Variants in NLRP6 observed in about 807,000 individuals in gnomAD.
NLRP6 encodes NLR family pyrin domain containing 6, also known as NACHT, LRR and PYD domains-containing protein 6.
In NLRP6, 55 loss-of-function variants were observed where a neutral mutation model predicts 70.9. The observed-to-expected ratio is 0.78, with a 90% CI of 0.62 to 0.97. The LOEUF (loss-of-function observed/expected upper bound fraction) is 0.97. Ranked by LOEUF, NLRP6 falls within the 50% of genes least tolerant of loss-of-function variation. The pLI, the probability that NLRP6 is intolerant of heterozygous loss-of-function variation, is 0.00. For missense variants in NLRP6, 1,241 were observed against 1,238.3 expected, an observed-to-expected ratio of 1.00 and a Z score of -0.03; for synonymous variants, 652 against 581.9, an observed-to-expected ratio of 1.12 and a Z score of -1.73.
At chr11:284,157 G>C in intron 5 of NLRP6, 73 bp from the exon 6 acceptor site, 1 of 1,384,800 alleles carries the variant, frequency 7.2e-7, no homozygotes, top group Non-Finnish European at 1.0e-6. Context: ...CGGGCAGCGG[G>C]CATTTTGTGC....
chr11:284,339 G>A lies in NLRP6; in HGVS notation c.2308G>A (p.Ala770Thr), dbSNP rs1845524548. ...CCTCCTCCACAACAGGCTCAGTGAG[G>A]CGGGACTGCGTATGCTGAGTGAGGG... ...LGLLHNRLSE[A>T]GLRMLSEGLA... is the part of the protein sequence containing the mutation. The change falls in exon 6 of 8, where the codon GCG becomes ACG. Residue 770 changes from alanine (A) to threonine (T), a missense_variant. Transcript: ENST00000534750. 1.2e-6 allele frequency: 2 copies of A among 1,611,260 alleles called. No individual in the cohort carries two copies. The highest frequency in any genetic ancestry group is 1.3e-5 in the African/African-American group (1 of 75,042).
At position 281,075 on chromosome 11, in the gene NLRP6, C is replaced by G. The variant is rs148559712; in HGVS notation, c.1341C>G (p.Arg447=). Residue 447 remains arginine (R), a synonymous_variant, in exon 4 of 8, where the codon CGC becomes CGG. Transcript: ENST00000534750. The part of the protein sequence containing the change: ...RLQGDLRNLC[R]LAREGVLGRR... ...AGGGCGACCTGCGCAATCTGTGCCG[C>G]CTGGCCCGCGAGGGCGTCCTCGGAC... The G allele has an allele frequency of 6.2e-7, 1 of 1,612,756 alleles. No individual in the cohort carries two copies. Among genetic ancestry groups the G allele is most frequent in the Non-Finnish European group, 8.5e-7 (1 of 1,179,796 alleles).
In NLRP6 at chr11:285,096, G is replaced by C. The variant is rs146114422; in HGVS notation, c.2538-70G>C. The stretch of plus-strand genomic sequence containing the variant: ...CTGCCCGCGGCCCGGCTGCCCCCAC[G>C]GCACTGCCCCCAAGCCCTGGCTGCT... On this transcript the variant is annotated intron_variant, in intron 7 of 7. Coordinates refer to ENST00000534750, the MANE Select transcript of NLRP6 (RefSeq NM_001276700.2). 8 of 1,459,684 alleles carry C rather than the reference G, an allele frequency of 5.5e-6. 1 individual carries two copies. Among genetic ancestry groups the C allele is most frequent in the South Asian group, 4.9e-5 (4 of 81,714 alleles). 90.4% of individuals were successfully genotyped at this position (1,459,684 alleles called of 1,614,324 possible).
Position 278,490 on chromosome 11 carries a change from CCAGCT to C in NLRP6, c.-75_-71del. 2 of 1,257,442 alleles carry C rather than the reference CCAGCT, an allele frequency of 1.6e-6. No homozygotes were observed. The highest frequency in any genetic ancestry group is 2.2e-6 in the Non-Finnish European group (2 of 926,362). The allele number at this position is 1,257,442 out of a possible 1,614,324, so 77.9% of individuals were successfully genotyped here. On this transcript the variant is annotated 5_prime_UTR_variant, in exon 1 of 8. An upstream open reading frame in the 5' UTR gains an earlier in-frame stop. Transcript: ENST00000534750. This position sits in a 1 kb window ranked among gnomAD's most constrained non-coding sequence, Gnocchi z 4.7. Reference sequence around the variant, plus strand: ...GCTGGACAACCTCTAAGACTTGGCTCCAGCTCAGCCTGTGAAGGAATCACCTCTCT... The same window carrying C: ...GCTGGACAACCTCTAAGACTTGGCTCCAGCCTGTGAAGGAATCACCTCTCT...
chr11:279,841 G>A lies in NLRP6; in HGVS notation c.318G>A (p.Gly106=), dbSNP rs1188377463. 5 of 1,572,926 alleles carry A rather than the reference G, an allele frequency of 3.2e-6. No individual in the cohort carries two copies. Among genetic ancestry groups the A allele is most frequent in the Middle Eastern group, 1.7e-4 (1 of 5,794 alleles). ...CCCCAGTTTCCCTTCCAGGGCTCGGGCTCGGCTCCGGGACGCTGCTCTCCG... is the reference window on the plus strand; with the variant it reads ...CCCCAGTTTCCCTTCCAGGGCTCGGACTCGGCTCCGGGACGCTGCTCTCCG... ...QLQERRLQRL[G]LGSGTLLSVS... Residue 106 remains glycine (G), a synonymous_variant, in exon 3 of 8, where the codon GGG becomes GGA. Coordinates refer to ENST00000534750, the MANE Select transcript of NLRP6 (RefSeq NM_001276700.2).
intron 5 of NLRP6, among the ~76,000 whole-genome samples, chr11:283,646 A>G (rs117091523): frequency 0.011 from 1,667 of 152,250 alleles, 37 homozygotes; most frequent in African/African-American, 0.037. Flanking sequence ...ATAACTTGCC[A>G]GTCACTCTTA....
Position 280,255 on chromosome 11 carries a change from C to G in NLRP6, c.521C>G (p.Ala174Gly). 6.6e-7 allele frequency: 1 copy of G among 1,524,578 alleles called. No homozygotes were observed. The highest frequency in any genetic ancestry group is 8.8e-7 in the Non-Finnish European group (1 of 1,137,486). 94.4% of individuals were successfully genotyped at this position (1,524,578 alleles called of 1,614,324 possible). The change falls in exon 4 of 8, where the codon GCG becomes GGG. Residue 174 changes from alanine (A) to glycine (G), a missense_variant. Transcript: ENST00000534750. ...GPAEEPEPGR[A>G]RRSDTHTFNR... Reference sequence around the variant, plus strand: ...GCGGAAGAGCCTGAGCCGGGGCGCGCGCGGCGCTCGGACACGCACACTTTC... The same window carrying G: ...GCGGAAGAGCCTGAGCCGGGGCGCGGGCGGCGCTCGGACACGCACACTTTC...
In NLRP6 at chr11:282,628, T is replaced by C. The variant is rs2134009537; in HGVS notation, c.2106-77T>C. ...AGGGGCAGCTCTGAGACCCCAGGAC[T>C]ACAGATAGACAGGAGTCCTTTCCGG... On this transcript the variant is annotated intron_variant, in intron 4 of 7. Transcript: ENST00000534750. The C allele has an allele frequency of 2.6e-6, 3 of 1,142,322 alleles. No individual in the cohort carries two copies. The South Asian group carries it at 3.7e-5, about 14-fold the overall frequency. The allele number at this position is 1,142,322 out of a possible 1,614,324, so 70.8% of individuals were successfully genotyped here. A position where few individuals can be genotyped will look rare whatever the true frequency, so the allele number is the denominator to read the frequency against.
At chr11:284,112 G>A (rs916948776) in intron 5 of NLRP6, 118 bp from the exon 6 acceptor site, 11 of 866,142 alleles carry the variant, frequency 1.3e-5, no homozygotes, top group Middle Eastern at 2.3e-4. Context: ...GAAGGATGTG[G>A]CACCAACACA....
At chr11:282,522 C>T (rs1373456809) in intron 4 of NLRP6, among the ~76,000 whole-genome samples, 183 bp from the exon 5 acceptor site, 1 of 152,160 alleles carries the variant, frequency 6.6e-6, no homozygotes, top group Non-Finnish European at 1.5e-5. Context: ...TGGGATGATG[C>T]CTGGGCCACA....
chr11:280,525 T>G lies in NLRP6; in HGVS notation c.791T>G (p.Val264Gly), dbSNP rs1845455923. 6.4e-7 allele frequency: 1 copy of G among 1,563,944 alleles called. No individual in the cohort carries two copies. Among genetic ancestry groups the G allele is most frequent in the African/African-American group, 1.4e-5 (1 of 71,150 alleles). Residue 264 changes from valine to glycine, a missense_variant, in exon 4 of 8, where the codon GTG becomes GGG. By Grantham distance (109) the Val-to-Gly change is moderately radical. Coordinates refer to ENST00000534750, the MANE Select transcript of NLRP6 (RefSeq NM_001276700.2). ...CAGTGCCCCGACCGCGGCGCGCCGG[T>G]GCCGCAGATGCTGGCCCAGCCGCAG... ...LDQCPDRGAP[V>G]PQMLAQPQRL...
chr11:280,583 G>C lies in NLRP6; in HGVS notation c.849G>C (p.Glu283Asp). The change falls in exon 4 of 8, where the codon GAG becomes GAC. Residue 283 changes from glutamate to aspartate, a missense_variant. Transcript: ENST00000534750. ...RLLFILDGADELPALGGPEAA... is the reference protein window; with the variant it reads ...RLLFILDGADDLPALGGPEAA... ...TCTTCATCCTGGACGGCGCGGACGA[G>C]CTGCCGGCGCTGGGGGGCCCCGAGG... 2 of 1,454,606 alleles carry C rather than the reference G, an allele frequency of 1.4e-6. No homozygotes were observed. The highest frequency in any genetic ancestry group is 1.4e-5 in the South Asian group (1 of 70,550). The allele number at this position is 1,454,606 out of a possible 1,614,324, so 90.1% of individuals were successfully genotyped here.
rs779813909 is a variant in NLRP6 at position 281,415 on chromosome 11, C to T, written c.1681C>T (p.Arg561Cys). 1 of 1,608,136 alleles carries T rather than the reference C, an allele frequency of 6.2e-7. No homozygotes were observed. The highest frequency in any genetic ancestry group is 1.1e-5 in the South Asian group (1 of 90,498). Residue 561 changes from arginine to cysteine, a missense_variant, in exon 4 of 8, where the codon CGC (arginine) becomes TGC (cysteine). By Grantham distance (180) the Arg-to-Cys change is radical. Transcript: ENST00000534750. ...CGCGGAGCGGATGCGCGACATCGAG[C>T]GCCACTTCGGCTGCATGGTTTCAGA... ...LSAERMRDIERHFGCMVSERV... is the reference protein window; with the variant it reads ...LSAERMRDIECHFGCMVSERV...
In NLRP6 at chr11:278,564, G is replaced by A; in HGVS notation, c.-6G>A. ...GGAGTGCTAGACCCAGGGAGGAAGA[G>A]ACCCCATGGACCAGCCAGAGGCCCC... On this transcript the variant is annotated 5_prime_UTR_variant, in exon 1 of 8. Transcript: ENST00000534750. This position sits in a 1 kb window ranked among gnomAD's most constrained non-coding sequence, Gnocchi z 4.7. 6.3e-7 allele frequency: 1 copy of A among 1,587,756 alleles called. No individual in the cohort carries two copies. The highest frequency in any genetic ancestry group is 8.6e-7 in the Non-Finnish European group (1 of 1,168,080).
chr11:278,723 C>T lies in NLRP6; in HGVS notation c.29+125C>T. ...CCACATCCTTCCCCCACCCTCACTC[C>T]CAGGCTCAGGAGCCAAGCACTGCCT... On this transcript the variant is annotated intron_variant, in intron 1 of 7. Transcript: ENST00000534750. The surrounding 1 kb of genome is among the most constrained non-coding windows in gnomAD (Gnocchi z 4.7). The T allele has an allele frequency of 1.5e-6, 1 of 657,992 alleles. No homozygotes were observed. Among genetic ancestry groups the T allele is most frequent in the South Asian group, 2.6e-5 (1 of 37,738 alleles). The allele number at this position is 657,992 out of a possible 1,614,324, so 40.8% of individuals were successfully genotyped here.
At chr11:282,433 G>A (rs1250731043) in intron 4 of NLRP6, among the ~76,000 whole-genome samples, 5 of 152,222 alleles carry the variant, frequency 3.3e-5, no homozygotes. Flanking sequence ...GTGTTGGCAG[G>A]GGCTGGGCCT....
chr11:284,700 A>G, intron 7 of NLRP6, 58 bp downstream of exon 7: 1 of 1,502,450 alleles, frequency 6.7e-7, no homozygotes, highest in Non-Finnish European at 9.0e-7. Context: ...GGGGAGGGGG[A>G]GGGTGCCTGG....
Position 280,445 on chromosome 11 carries a change from C to T in NLRP6, c.711C>T (p.Cys237=). The T allele has an allele frequency of 1.3e-6, 2 of 1,592,032 alleles. No individual in the cohort carries two copies. Among genetic ancestry groups the T allele is most frequent in the East Asian group, 2.3e-5 (1 of 44,278 alleles). ...TGGACTTCGCCTTCTTCATGCCCTG[C>T]GGCGAGCTGCTGGAGAGGCCGGGCA... is the stretch of plus-strand genomic sequence containing the variant. ...GQVDFAFFMP[C]GELLERPGTR... The change falls in exon 4 of 8, where the codon TGC becomes TGT. Residue 237 remains cysteine, a synonymous_variant. Coordinates refer to ENST00000534750, the MANE Select transcript of NLRP6 (RefSeq NM_001276700.2).
At position 281,578 on chromosome 11, in the gene NLRP6, C is replaced by T; in HGVS notation, c.1844C>T (p.Pro615Leu). 1 of 1,611,102 alleles carries T rather than the reference C, an allele frequency of 6.2e-7. No individual in the cohort carries two copies. The highest frequency in any genetic ancestry group is 8.5e-7 in the Non-Finnish European group (1 of 1,178,680). ...EPEEEEEGEE[P>L]NYPLELLYCL... ...GAGGAGGAGGAGGAGGGAGAGGAGC[C>T]CAACTACCCACTGGAGTTGCTGTAC... Residue 615 changes from proline (P) to leucine (L), a missense_variant, in exon 4 of 8, where the codon CCC (proline) becomes CTC (leucine). By Grantham distance (98) the Pro-to-Leu change is moderately conservative. Transcript: ENST00000534750.
Sources: allele counts gnomAD v4.1 joint callset (sites outside exome capture counted in the v4.1 genomes callset), GRCh38; gene constraint gnomAD v4.1.1; non-coding constraint Gnocchi (gnomAD v3.1); transcripts MANE v1.5; gene names NCBI Gene and HGNC (gene_info 2026-07-23, HGNC 2026-07-21).